TAF4B: variants seen among roughly 807,000 people sequenced by gnomAD.
TAF4B encodes transcription initiation factor TFIID subunit 4B.
A neutral mutation model predicts 86.4 loss-of-function variants in TAF4B; 38 were observed. That is an observed-to-expected ratio of 0.44 (90% CI 0.34 to 0.58). The LOEUF is 0.58. Among genes scored for constraint, TAF4B ranks in the 20% least tolerant of loss-of-function variants. TAF4B has a pLI of 0.02. For synonymous variants in TAF4B, 388 were observed against 391.2 expected, an observed-to-expected ratio of 0.99 and a Z score of 0.10; for missense variants, 988 against 1,027.6, an observed-to-expected ratio of 0.96 and a Z score of 0.53.
intron 13 of TAF4B, among the ~76,000 whole-genome samples, chr18:26,350,762 A>G (rs1013354313): frequency 1.3e-5 from 2 of 152,230 alleles, no homozygotes; most frequent in African/African-American, 4.8e-5. Flanking sequence ...GCCAACAGGT[A>G]TGGGAAGAAA....
In TAF4B at chr18:26,360,613, G is replaced by A. The variant is rs569483922; in HGVS notation, c.2421+2819G>A. On this transcript the variant is annotated intron_variant, in intron 14 of 14. Coordinates refer to ENST00000269142, the MANE Select transcript of TAF4B (RefSeq NM_005640.3). The stretch of plus-strand genomic sequence containing the variant: ...CTTTTTAAGCATAAATCTTTGATTC[G>A]TACCGAACTTGAGTAAGAGTTGACG... Among the ~76,000 whole-genome samples, 25 of 152,026 alleles carry A rather than the reference G, an allele frequency of 1.6e-4. No individual in the cohort carries two copies. In the East Asian group the frequency reaches 4.6e-3, roughly 28 times the overall value.
At chr18:26,321,897 A>G (rs1348851988) in intron 11 of TAF4B, among the ~76,000 whole-genome samples, 5 of 152,050 alleles carry the variant, frequency 3.3e-5, no homozygotes, top group Non-Finnish European at 7.4e-5. Context: ...ACTAAGTGTT[A>G]TTGGCTACTT....
intron 1 of TAF4B, among the ~76,000 whole-genome samples, chr18:26,257,770 A>C (rs988238026): frequency 8.6e-5 from 13 of 151,712 alleles, no homozygotes; most frequent in Non-Finnish European, 1.6e-4. Context: ...CTTCATGTGT[A>C]TATTAACTTA....
intron 1 of TAF4B, 138 bp from the exon 2 acceptor site, chr18:26,265,032 A>G (rs1201954895): frequency 9.9e-6 from 8 of 804,584 alleles, no homozygotes; most frequent in African/African-American, 1.8e-5. Flanking sequence ...ATCTTTGTAT[A>G]TAAGTAGCAG....
At chr18:26,368,610 A>T (rs1477592629) in intron 14 of TAF4B, among the ~76,000 whole-genome samples, 1 of 152,194 alleles carries the variant, frequency 6.6e-6, no homozygotes, top group Non-Finnish European at 1.5e-5. Flanking sequence ...TTAGATGTTT[A>T]AACAGATTTA....
chr18:26,387,643 A>C (rs983590151), intron 14 of TAF4B, among the ~76,000 whole-genome samples: 6 of 152,162 alleles, frequency 3.9e-5, no homozygotes, highest in Non-Finnish European at 8.8e-5. Flanking sequence ...CATTACCAAG[A>C]ACCCTGCAGA....
Position 26,357,714 on chromosome 18 carries a change from A to T in TAF4B, c.2341A>T (p.Ile781Leu). Residue 781 changes from isoleucine to leucine, a missense_variant, in exon 14 of 15, where the codon ATA becomes TTA. Physicochemically the swap from Ile to Leu is conservative, Grantham distance 5. Coordinates refer to ENST00000269142, the MANE Select transcript of TAF4B (RefSeq NM_005640.3). ...KELQQLELAQ[I>L]QHRDANLTAL... ...GTTACAGCAATTGGAACTTGCACAG[A>T]TACAGCATAGAGACGCTAATCTCAC... 1 of 1,612,056 alleles carries T rather than the reference A, an allele frequency of 6.2e-7. No individual in the cohort carries two copies. The highest frequency in any genetic ancestry group is 8.5e-7 in the Non-Finnish European group (1 of 1,179,020).
chr18:26,232,348 T>G (rs1212343833), intron 1 of TAF4B, among the ~76,000 whole-genome samples: 1 of 152,100 alleles, frequency 6.6e-6, no homozygotes, highest in East Asian at 1.9e-4. Context: ...TGGAGGTGAA[T>G]TCTCTAGGCC....
chr18:26,296,459 C>G (rs77717493), intron 9 of TAF4B, among the ~76,000 whole-genome samples: 167 of 149,436 alleles, frequency 1.1e-3, no homozygotes, highest in Non-Finnish European at 2.0e-3. Context: ...CTCTTTTTGC[C>G]TGTAGCAAGC....
At chr18:26,327,360 T>C (rs2057012587) in intron 12 of TAF4B, among the ~76,000 whole-genome samples, 1 of 152,210 alleles carries the variant, frequency 6.6e-6, no homozygotes, top group Admixed American at 6.5e-5. Context: ...TCACATTTCC[T>C]GTGTGCTCTC....
chr18:26,319,772 T>C (rs967653357), intron 10 of TAF4B, among the ~76,000 whole-genome samples: 1 of 152,082 alleles, frequency 6.6e-6, no homozygotes, highest in African/African-American at 2.4e-5. Flanking sequence ...TTGTATTTAG[T>C]AGAGACGGGG....
intron 14 of TAF4B, among the ~76,000 whole-genome samples, chr18:26,383,034 A>G (rs1172434036): frequency 6.6e-6 from 1 of 152,190 alleles, no homozygotes; most frequent in Non-Finnish European, 1.5e-5. Context: ...GCTATGTGCA[A>G]TTAATTGTCT....
At chr18:26,382,584 C>T (rs1424643005) in intron 14 of TAF4B, among the ~76,000 whole-genome samples, 1 of 151,990 alleles carries the variant, frequency 6.6e-6, no homozygotes, top group Admixed American at 6.6e-5. Context: ...ACTTTACATA[C>T]CCCACCTTTC....
Position 26,267,352 on chromosome 18 carries a change from A to C in TAF4B, c.490-164A>C, listed in dbSNP as rs777699790. The C allele has an allele frequency of 1.7e-4, 79 of 463,230 alleles. No homozygotes were observed. In the Middle Eastern group the frequency reaches 4.3e-3, roughly 25 times the overall value. 28.7% of individuals were successfully genotyped at this position (463,230 alleles called of 1,614,324 possible). The stretch of plus-strand genomic sequence containing the variant: ...ATGAGTGTCATCTGGGCAGCTGACC[A>C]GTTAGGTTTATAGTATAGAATGTGC... On this transcript the variant is annotated intron_variant, in intron 2 of 14. Transcript: ENST00000269142.
chr18:26,362,160 C>T (rs1370266342), intron 14 of TAF4B, among the ~76,000 whole-genome samples: 1 of 152,146 alleles, frequency 6.6e-6, no homozygotes, highest in African/African-American at 2.4e-5. Flanking sequence ...GGGTTTGCTT[C>T]TTGACTCTGT....
intron 6 of TAF4B, among the ~76,000 whole-genome samples, chr18:26,283,867 A>G (rs140373879): frequency 0.044 from 6,682 of 152,286 alleles, 201 homozygotes; most frequent in Non-Finnish European, 0.061. Context: ...CCTGGCCAAC[A>G]TGGAGAAACC....
At chr18:26,367,460 C>T (rs779093402) in intron 14 of TAF4B, among the ~76,000 whole-genome samples, 1 of 152,150 alleles carries the variant, frequency 6.6e-6, no homozygotes, top group Non-Finnish European at 1.5e-5. Context: ...CATGTACGAG[C>T]TCTAGAAGAG....
chr18:26,265,423 A>G (rs1294368335), intron 2 of TAF4B, 108 bp downstream of exon 2: 4 of 1,311,252 alleles, frequency 3.1e-6, no homozygotes, highest in Non-Finnish European at 4.0e-6. Flanking sequence ...ACATGATTCT[A>G]TTCAGCTTTT....
rs2056524824 is a variant in TAF4B, at chr18:26,286,443, G to A, written c.1534G>A (p.Gly512Ser). Residue 512 changes from glycine (G) to serine (S), a missense_variant, in exon 7 of 15, where the codon GGC (glycine) becomes AGC (serine). By Grantham distance (56) the Gly-to-Ser change is moderately conservative. This residue lies in a region of TAF4B where 747 missense variants were observed against 737.9 expected (regional missense o/e 1.01). Coordinates refer to ENST00000269142, the MANE Select transcript of TAF4B (RefSeq NM_005640.3). ...AGTTCAAATCAAACTTGCCCAGCCG[G>A]GCCCTGTCCTTTCACAACCAGCTGG... ...TPVQIKLAQP[G>S]PVLSQPAGIP... The A allele has an allele frequency of 6.2e-7, 1 of 1,613,880 alleles. No homozygotes were observed. The highest frequency in any genetic ancestry group is 1.7e-5 in the Admixed American group (1 of 59,972).
Sources: allele counts gnomAD v4.1 joint callset (sites outside exome capture counted in the v4.1 genomes callset), GRCh38; gene constraint gnomAD v4.1.1; regional missense constraint gnomAD v4.1.1; transcripts MANE v1.5; gene names NCBI Gene and HGNC (gene_info 2026-07-23, HGNC 2026-07-21).